The following EPB41L5 variants were observed in gnomAD, a reference collection of about 807,000 sequenced individuals.
EPB41L5 encodes the protein erythrocyte membrane protein band 4.1 like 5.
In EPB41L5, 55 loss-of-function variants were observed where a neutral mutation model predicts 106.6. That is an observed-to-expected ratio of 0.52 (90% confidence interval 0.42 to 0.65). EPB41L5 has a LOEUF of 0.65. Ranked by LOEUF, EPB41L5 falls within the 30% of genes least tolerant of loss-of-function variation. The probability of loss-of-function intolerance (pLI) is 0.00; values close to 1 mark genes in which losing one functional copy is unlikely to be tolerated. For synonymous variants in EPB41L5, 297 were observed against 306.7 expected, an observed-to-expected ratio of 0.97 and a Z score of 0.33; for missense variants, 871 against 882.1, an observed-to-expected ratio of 0.99 and a Z score of 0.16.
intron 20 of EPB41L5, among the ~76,000 whole-genome samples, chr2:120,148,647 A>G (rs1160670836): frequency 3.3e-5 from 5 of 152,070 alleles, no homozygotes; most frequent in African/African-American, 1.2e-4. Flanking sequence ...ATTCAACGTA[A>G]TATTTTCCAG....
intron 10 of EPB41L5, among the ~76,000 whole-genome samples, chr2:120,080,948 G>A (rs998555854): frequency 3.2e-4 from 49 of 152,198 alleles, no homozygotes; most frequent in African/African-American, 1.2e-3. Flanking sequence ...ACTTTTTGGT[G>A]GGGTTGTTTG....
chr2:120,047,058 C>T (rs1679830557), intron 3 of EPB41L5, among the ~76,000 whole-genome samples: 2 of 152,174 alleles, frequency 1.3e-5, no homozygotes, highest in African/African-American at 4.8e-5. Context: ...GTTTTGGTTA[C>T]TGTAGCCTTG....
chr2:120,124,918 A>G (rs955376474), intron 16 of EPB41L5, among the ~76,000 whole-genome samples: 2 of 152,156 alleles, frequency 1.3e-5, no homozygotes, highest in Non-Finnish European at 2.9e-5. Flanking sequence ...TGTTAAGGTG[A>G]TATCACCAGA....
At chr2:120,046,417 G>A (rs1233301920) in intron 3 of EPB41L5, among the ~76,000 whole-genome samples, 1 of 151,956 alleles carries the variant, frequency 6.6e-6, no homozygotes, top group Non-Finnish European at 1.5e-5. Flanking sequence ...GTGATGATGA[G>A]CATTTTTTCA....
intron 14 of EPB41L5, among the ~76,000 whole-genome samples, chr2:120,094,082 GCT>G (rs1222022302): frequency 6.6e-6 from 1 of 152,038 alleles, no homozygotes; most frequent in African/African-American, 2.4e-5. Flanking sequence ...TCCCTCCTAG[GCT>G]CAAGTGATCA....
At chr2:120,072,137 A>G (rs1681913019) in intron 3 of EPB41L5, among the ~76,000 whole-genome samples, 1 of 152,246 alleles carries the variant, frequency 6.6e-6, no homozygotes. Flanking sequence ...ATGAACAGAC[A>G]CTTCTCAAAA....
chr2:120,141,136 C>CA, intron 18 of EPB41L5, among the ~76,000 whole-genome samples: 1 of 152,180 alleles, frequency 6.6e-6, no homozygotes, highest in South Asian at 2.1e-4. Flanking sequence ...CCTGACATGC[C>CA]TTATGTACTG....
In EPB41L5 at chr2:120,100,686, T is replaced by C; in HGVS notation, c.1222-13T>C. 1 of 1,601,204 alleles carries C rather than the reference T, an allele frequency of 6.2e-7. No individual in the cohort carries two copies. Among genetic ancestry groups the C allele is most frequent in the Non-Finnish European group, 8.6e-7 (1 of 1,169,060 alleles). On this transcript the variant is annotated splice_polypyrimidine_tract_variant and intron_variant, in intron 15 of 24. Transcript: ENST00000263713. ...GAGGCAAAATAGATAATTTTTATAATTTTTGTCCAAAGGCTTGGGGGATGA... is the reference window on the plus strand; with the variant it reads ...GAGGCAAAATAGATAATTTTTATAACTTTTGTCCAAAGGCTTGGGGGATGA...
intron 2 of EPB41L5, among the ~76,000 whole-genome samples, chr2:120,038,323 G>A (rs1679174967): frequency 6.6e-6 from 1 of 152,172 alleles, no homozygotes; most frequent in African/African-American, 2.4e-5. Flanking sequence ...CGATGAGAGA[G>A]ACTGATTCAT....
intron 3 of EPB41L5, among the ~76,000 whole-genome samples, chr2:120,054,908 C>T (rs1680540571): frequency 6.7e-6 from 1 of 149,514 alleles, no homozygotes; most frequent in South Asian, 2.1e-4. Flanking sequence ...CTTTTGTTGC[C>T]CAGGCTGGAG....
chr2:120,045,817 C>G (rs182021351), intron 3 of EPB41L5, among the ~76,000 whole-genome samples: 11 of 151,442 alleles, frequency 7.3e-5, no homozygotes, highest in Non-Finnish European at 1.3e-4. Flanking sequence ...CCTCCCCCGT[C>G]CCCCCCTCAA....
intron 18 of EPB41L5, among the ~76,000 whole-genome samples, chr2:120,137,408 A>G (rs1272775131): frequency 6.6e-6 from 1 of 152,044 alleles, no homozygotes; most frequent in Non-Finnish European, 1.5e-5. Context: ...AATACAAAAG[A>G]TCAATAAAAT....
At chr2:120,120,371 G>A (rs565002637) in intron 16 of EPB41L5, among the ~76,000 whole-genome samples, 2 of 146,714 alleles carry the variant, frequency 1.4e-5, no homozygotes, top group African/African-American at 5.0e-5. Context: ...GGCAGAGGTT[G>A]CAGTGAGCTC....
intron 24 of EPB41L5, among the ~76,000 whole-genome samples, chr2:120,170,129 C>T (rs1170880671): frequency 6.6e-6 from 1 of 152,198 alleles, no homozygotes; most frequent in African/African-American, 2.4e-5. Context: ...TCCAACTGCA[C>T]ATTAGCAGTT....
chr2:120,151,610 CT>C (rs529496809), intron 20 of EPB41L5, among the ~76,000 whole-genome samples: 1,186 of 116,782 alleles, frequency 0.01, 5 homozygotes, highest in Non-Finnish European at 0.013. Flanking sequence ...GCGTCTGGCC[CT>C]TTTTTTTTTT....
At chr2:120,024,884 T>C (rs1678203369) in intron 2 of EPB41L5, among the ~76,000 whole-genome samples, 1 of 152,248 alleles carries the variant, frequency 6.6e-6, no homozygotes, top group African/African-American at 2.4e-5. Flanking sequence ...AGCTTTTTGA[T>C]GTGCCGCTGG....
intron 16 of EPB41L5, among the ~76,000 whole-genome samples, chr2:120,102,572 C>T (rs1183374143): frequency 6.6e-6 from 1 of 152,142 alleles, no homozygotes; most frequent in South Asian, 2.1e-4. Flanking sequence ...GAATATAAAG[C>T]AGTCCTCCTT....
chr2:120,050,528 T>C (rs184077376), intron 3 of EPB41L5, among the ~76,000 whole-genome samples: 6 of 152,360 alleles, frequency 3.9e-5, no homozygotes, highest in Admixed American at 2.0e-4. Flanking sequence ...TAAGGACTTG[T>C]CTACACTAGT....
chr2:120,043,718 C>A (rs1225228247), intron 3 of EPB41L5, among the ~76,000 whole-genome samples: 2 of 152,046 alleles, frequency 1.3e-5, no homozygotes, highest in Non-Finnish European at 2.9e-5. Context: ...ACACTCCTAA[C>A]CTGGGTGACA....
Sources: allele counts gnomAD v4.1 joint callset (sites outside exome capture counted in the v4.1 genomes callset), GRCh38; gene constraint gnomAD v4.1.1; transcripts MANE v1.5; gene names NCBI Gene and HGNC (gene_info 2026-07-23, HGNC 2026-07-21).